The following CAMK2D variants were observed in gnomAD, a reference collection of about 807,000 sequenced individuals.
CAMK2D encodes the protein calcium/calmodulin-dependent protein kinase type II subunit delta.
A neutral mutation model predicts 84.0 loss-of-function variants in CAMK2D; 37 were observed. That is an observed-to-expected ratio of 0.44 (90% CI 0.34 to 0.58). The LOEUF (loss-of-function observed/expected upper bound fraction) is 0.58. Ranked by LOEUF, CAMK2D falls within the 20% of genes least tolerant of loss-of-function variation. The pLI, the probability that CAMK2D is intolerant of heterozygous loss-of-function variation, is 0.02. For synonymous variants in CAMK2D, 202 were observed against 212.5 expected, an observed-to-expected ratio of 0.95 and a Z score of 0.43; for missense variants, 448 against 652.5, an observed-to-expected ratio of 0.69 and a Z score of 3.41.
chr4:113,649,616 A>G (rs560077001), intron 3 of CAMK2D, among the ~76,000 whole-genome samples: 7 of 152,352 alleles, frequency 4.6e-5, no homozygotes, highest in African/African-American at 1.7e-4. Flanking sequence ...TAGTAGTTTC[A>G]TTATAGTATA....
At chr4:113,682,140 GATTACAT>G (rs2099347798) in intron 2 of CAMK2D, among the ~76,000 whole-genome samples, 1 of 152,094 alleles carries the variant, frequency 6.6e-6, no homozygotes, top group African/African-American at 2.4e-5. Context: ...AATTAAATCA[GATTACAT>G]ATGTTAAACT....
intron 2 of CAMK2D, among the ~76,000 whole-genome samples, chr4:113,667,386 A>C (rs2099261806): frequency 6.6e-6 from 1 of 152,340 alleles, no homozygotes; most frequent in East Asian, 1.9e-4. Context: ...TTAAAAATAT[A>C]ATCATAAATA....
chr4:113,489,029 CTG>C (rs1273813037), intron 16 of CAMK2D, among the ~76,000 whole-genome samples: 5 of 152,036 alleles, frequency 3.3e-5, no homozygotes, highest in Non-Finnish European at 5.9e-5. Context: ...GAAAATGAAA[CTG>C]TGTTACATTA....
intron 6 of CAMK2D, among the ~76,000 whole-genome samples, chr4:113,538,744 C>G (rs1338429022): frequency 6.6e-6 from 1 of 152,116 alleles, no homozygotes; most frequent in Non-Finnish European, 1.5e-5. Flanking sequence ...ATTAAGCCAG[C>G]CATGCAAATT....
rs553035112 is a variant in CAMK2D, at chr4:113,616,375, A to G, written c.221-7169T>C. ...ATCCTTATTCCCAAATCCTCACCCCACTCCTGATTCAAGATTAAAAGCCAA... is the reference window on the plus strand; with the variant it reads ...ATCCTTATTCCCAAATCCTCACCCCGCTCCTGATTCAAGATTAAAAGCCAA... On this transcript the variant is annotated intron_variant, in intron 3 of 20. Coordinates refer to ENST00000511664, the MANE Select transcript of CAMK2D (RefSeq NM_001321571.2). Among the ~76,000 whole-genome samples, 137 of 152,054 alleles carry G rather than the reference A, an allele frequency of 9.0e-4. 1 individual carries two copies. The highest frequency in any genetic ancestry group is 1.6e-3 in the Non-Finnish European group (112 of 67,972).
At chr4:113,474,305 T>C (rs932539889) in intron 16 of CAMK2D, among the ~76,000 whole-genome samples, 4 of 152,174 alleles carry the variant, frequency 2.6e-5, no homozygotes, top group Non-Finnish European at 4.4e-5. Flanking sequence ...TAAAGTCTCT[T>C]GGCATTCAAG....
At chr4:113,499,352 T>C (rs992914640) in intron 16 of CAMK2D, among the ~76,000 whole-genome samples, 1 of 152,140 alleles carries the variant, frequency 6.6e-6, no homozygotes, top group Non-Finnish European at 1.5e-5. Flanking sequence ...TGTGCTTAGT[T>C]ATATAAATAG....
chr4:113,586,797 T>C (rs1279999752), intron 4 of CAMK2D, among the ~76,000 whole-genome samples: 1 of 152,120 alleles, frequency 6.6e-6, no homozygotes, highest in Non-Finnish European at 1.5e-5. Flanking sequence ...TCTATGAATA[T>C]TCGCTGGTTA....
intron 6 of CAMK2D, among the ~76,000 whole-genome samples, chr4:113,542,730 A>AT (rs1553941840): frequency 2.0e-5 from 3 of 150,980 alleles, no homozygotes; most frequent in Non-Finnish European, 2.9e-5. Context: ...AAAAAAAAAA[A>AT]TTTACTAAGT....
At position 113,546,632 on chromosome 4, in the gene CAMK2D, T is replaced by C. The variant is rs537168337; in HGVS notation, c.414+1012A>G. 2.6e-5 allele frequency among the ~76,000 whole-genome samples: 4 copies of C among 152,328 alleles called. 1 individual carries two copies. The South Asian group carries it at 6.2e-4, about 24-fold the overall frequency. ...GCACGTGAGAAATAAGTCTAGGTCC[T>C]CTCACTAAACACACATAGTTTTAGA... On this transcript the variant is annotated intron_variant, in intron 6 of 20. Transcript: ENST00000511664.
At chr4:113,614,666 T>C (rs2099014384) in intron 3 of CAMK2D, among the ~76,000 whole-genome samples, 1 of 152,156 alleles carries the variant, frequency 6.6e-6, no homozygotes, top group Non-Finnish European at 1.5e-5. Flanking sequence ...CCCAACTGAC[T>C]GAATCCAGTC....
Position 113,523,808 on chromosome 4 carries a change from C to CAAAT in CAMK2D, c.602-6155_602-6152dup, listed in dbSNP as rs893638119. 8.8e-4 allele frequency among the ~76,000 whole-genome samples: 133 copies of CAAAT among 151,812 alleles called. 1 individual carries two copies. The highest frequency in any genetic ancestry group is 3.5e-3 in the Admixed American group (53 of 15,246). On this transcript the variant is annotated intron_variant, in intron 8 of 20. Coordinates refer to ENST00000511664, the MANE Select transcript of CAMK2D (RefSeq NM_001321571.2). ...ATAAATAAATAAATAAACAAACAAA[C>CAAAT]AAATAAATAAATAATTAGTACATAA...
At chr4:113,462,338 G>GTCTGTCTGTCTATCTATCTATCTA (rs1554637439) in intron 17 of CAMK2D, among the ~76,000 whole-genome samples, 19 of 130,504 alleles carry the variant, frequency 1.5e-4, no homozygotes, top group South Asian at 2.6e-4. Flanking sequence ...CTGTCTGTCT[G>GTCTGTCTGTCTATCTATCTATCTA]TCTATCTATC....
At chr4:113,754,970 T>C in intron 2 of CAMK2D, 1 of 984,584 alleles carries the variant, frequency 1.0e-6, no homozygotes, top group Non-Finnish European at 1.2e-6. Context: ...TCCAAATTGT[T>C]CCAATTTGCC....
In CAMK2D at chr4:113,463,763, T is replaced by C. The variant is rs1447572601; in HGVS notation, c.1211+1766A>G. Among the ~76,000 whole-genome samples the C allele has an allele frequency of 2.0e-5, 3 of 152,182 alleles. 1 individual carries two copies. The South Asian group carries it at 6.2e-4, about 32-fold the overall frequency. On this transcript the variant is annotated intron_variant, in intron 17 of 20. Coordinates refer to ENST00000511664, the MANE Select transcript of CAMK2D (RefSeq NM_001321571.2). Reference sequence around the variant, plus strand: ...TAATTTTCAGTAAAAACATCATAAATATTTTTCCAGGTCGCTAGAAACTCA... The same window carrying C: ...TAATTTTCAGTAAAAACATCATAAACATTTTTCCAGGTCGCTAGAAACTCA...
At chr4:113,518,917 G>C (rs923340726) in intron 8 of CAMK2D, among the ~76,000 whole-genome samples, 1 of 151,198 alleles carries the variant, frequency 6.6e-6, no homozygotes, top group Non-Finnish European at 1.5e-5. Context: ...TAAGTCATGT[G>C]AATCAATACA....
chr4:113,530,418 A>T (rs960727763), intron 8 of CAMK2D, among the ~76,000 whole-genome samples: 1 of 152,176 alleles, frequency 6.6e-6, no homozygotes, highest in Non-Finnish European at 1.5e-5. Context: ...CAACGTTGGC[A>T]CTCAAAACGT....
chr4:113,631,186 C>G (rs376867792), intron 3 of CAMK2D, among the ~76,000 whole-genome samples: 83 of 152,148 alleles, frequency 5.5e-4, no homozygotes, highest in African/African-American at 1.9e-3. Flanking sequence ...TATCTCCTAT[C>G]ACTAGTGCTA....
intron 13 of CAMK2D, among the ~76,000 whole-genome samples, chr4:113,505,937 A>C (rs1424714888): frequency 6.6e-6 from 1 of 152,076 alleles, no homozygotes; most frequent in Non-Finnish European, 1.5e-5. Flanking sequence ...AATAATAATC[A>C]ATCAACATTC....
Sources: gnomAD v4.1 joint callset for allele counts (sites outside exome capture counted in the v4.1 genomes callset) on GRCh38, gnomAD v4.1.1 for gene constraint, MANE v1.5 for transcripts, NCBI Gene and HGNC (gene_info 2026-07-23, HGNC 2026-07-21) for gene names.